SFTPD: variants seen among roughly 807,000 people sequenced by gnomAD.
The protein encoded by SFTPD is surfactant protein D.
Under a neutral mutation model 34.6 loss-of-function variants are expected in SFTPD, and 18 were observed. That is an observed-to-expected ratio of 0.52 (90% CI 0.36 to 0.77). The LOEUF (loss-of-function observed/expected upper bound fraction) is 0.77, where lower values mean the gene tolerates loss of function less well. SFTPD is among the 30% of genes least tolerant of loss of function. The pLI is 0.00. For missense variants in SFTPD, 433 were observed against 468.9 expected, an observed-to-expected ratio of 0.92 and a Z score of 0.71; for synonymous variants, 155 against 180.9, an observed-to-expected ratio of 0.86 and a Z score of 1.15.
At chr10:79,946,389 A>G in intron 2 of SFTPD, 72 bp downstream of exon 2, 1 of 1,145,004 alleles carries the variant, frequency 8.7e-7, no homozygotes, top group Non-Finnish European at 1.3e-6. Flanking sequence ...CAAAGTACCC[A>G]GAGTTGCTGG....
At chr10:79,978,293 G>A (rs1842873266) in intron 1 of SFTPD, among the ~76,000 whole-genome samples, 1 of 152,156 alleles carries the variant, frequency 6.6e-6, no homozygotes, top group Admixed American at 6.5e-5. Context: ...CTCAATAGAT[G>A]CAGAAAAAGT....
chr10:79,942,282 A>C, intron 4 of SFTPD, 106 bp downstream of exon 4: 1 of 815,938 alleles, frequency 1.2e-6, no homozygotes, highest in Non-Finnish European at 2.1e-6. Context: ...TTGCAGCATC[A>C]AGGGTCTGGG....
At chr10:79,954,597 G>A (rs779578795) in intron 1 of SFTPD, among the ~76,000 whole-genome samples, 3 of 152,198 alleles carry the variant, frequency 2.0e-5, no homozygotes, top group Non-Finnish European at 2.9e-5. Context: ...CTTGGAGTTT[G>A]TGGATGGAGA....
chr10:79,956,998 T>TCTGCTGTTCTACAGCCA (rs765348049), intron 1 of SFTPD, among the ~76,000 whole-genome samples: 2 of 136,868 alleles, frequency 1.5e-5, no homozygotes, highest in Non-Finnish European at 1.6e-5. Context: ...TTCACCAAGA[T>TCTGCTGTTCTACAGCCA]CCGCTGTTCT....
At chr10:79,941,364 C>T (rs766325239) in intron 6 of SFTPD, 34 bp downstream of exon 6, 21 of 1,581,626 alleles carry the variant, frequency 1.3e-5, no homozygotes, top group East Asian at 4.5e-5. Flanking sequence ...CATGCCCCAG[C>T]GGGGCTTCCC....
chr10:79,977,481 T>C (rs967910934), intron 1 of SFTPD, among the ~76,000 whole-genome samples: 1 of 152,094 alleles, frequency 6.6e-6, no homozygotes, highest in African/African-American at 2.4e-5. Flanking sequence ...AACACACACA[T>C]ACACACACAC....
chr10:79,977,735 G>A (rs1006083254), intron 1 of SFTPD, among the ~76,000 whole-genome samples: 1 of 152,184 alleles, frequency 6.6e-6, no homozygotes, highest in Non-Finnish European at 1.5e-5. Context: ...GCCTACTAAG[G>A]AGTTGTTACA....
At chr10:79,954,111 T>C (rs547231829) in intron 1 of SFTPD, among the ~76,000 whole-genome samples, 3 of 152,350 alleles carry the variant, frequency 2.0e-5, no homozygotes, top group Non-Finnish European at 2.9e-5. Flanking sequence ...CTGTATCTTG[T>C]TGAGCTTCTT....
chr10:79,938,363 G>A, intron 7 of SFTPD, 135 bp from the exon 8 acceptor site: 1 of 756,146 alleles, frequency 1.3e-6, no homozygotes, highest in Non-Finnish European at 2.1e-6. Context: ...CAGAGAGAAT[G>A]CAAGAGAGAT....
At position 79,946,502 on chromosome 10, in the gene SFTPD, C is replaced by A. The variant is rs142564545; in HGVS notation, c.158G>T (p.Arg53Leu). The A allele has an allele frequency of 1.2e-6, 2 of 1,614,154 alleles. No individual in the cohort carries two copies. Among genetic ancestry groups the A allele is most frequent in the Non-Finnish European group, 1.7e-6 (2 of 1,180,004 alleles). ...GCCCCGAGGGCCCTCTCTCCCATCCCGTCCATCGCGACCAGGCAGGCCACT... is the reference window on the plus strand; with the variant it reads ...GCCCCGAGGGCCCTCTCTCCCATCCAGTCCATCGCGACCAGGCAGGCCACT... ...VESGLPGRDG[R>L]DGREGPRGEK... is the part of the protein sequence containing the mutation. The change falls in exon 2 of 8, where the codon CGG (arginine) becomes CTG (leucine). Residue 53 changes from arginine (R) to leucine (L), a missense_variant. Arg to Leu is a moderately radical substitution (Grantham distance 102). Coordinates refer to ENST00000372292, the MANE Select transcript of SFTPD (RefSeq NM_003019.5).
At chr10:79,941,129 A>G (rs1245640169) in intron 6 of SFTPD, among the ~76,000 whole-genome samples, 2 of 152,200 alleles carry the variant, frequency 1.3e-5, no homozygotes, top group African/African-American at 4.8e-5. Flanking sequence ...TAATGCCCAA[A>G]ACTGTCCTAT....
intron 2 of SFTPD, among the ~76,000 whole-genome samples, chr10:79,945,670 C>A (rs560810304): frequency 2.0e-4 from 30 of 152,240 alleles, no homozygotes; most frequent in African/African-American, 6.7e-4. Context: ...CAACTTTATC[C>A]CAAAGACTCA....
intron 1 of SFTPD, chr10:79,971,823 TTTTGGG>T (rs1342259445): frequency 6.6e-6 from 1 of 152,196 alleles, no homozygotes; most frequent in Admixed American, 6.5e-5. Context: ...GAATTGACCG[TTTTGGG>T]TTGAATCTAT....
intron 1 of SFTPD, among the ~76,000 whole-genome samples, chr10:79,962,418 T>C (rs564267905): frequency 6.6e-6 from 1 of 152,186 alleles, no homozygotes; most frequent in Admixed American, 6.5e-5. Context: ...TATGTAAATA[T>C]ACACACAAGT....
intron 1 of SFTPD, among the ~76,000 whole-genome samples, chr10:79,961,972 G>C (rs1444413774): frequency 4.7e-5 from 7 of 149,906 alleles, no homozygotes; most frequent in African/African-American, 1.7e-4. Flanking sequence ...CCATAAAAAA[G>C]GATGAGTTCA....
intron 1 of SFTPD, chr10:79,970,029 A>T (rs549100900): frequency 6.6e-6 from 1 of 152,062 alleles, no homozygotes; most frequent in Admixed American, 6.6e-5. Flanking sequence ...TTACTCTTTA[A>T]CTCATTTTCA....
At chr10:79,942,151 C>A in intron 4 of SFTPD, 81 bp from the exon 5 acceptor site, 1 of 1,040,610 alleles carries the variant, frequency 9.6e-7, no homozygotes, top group Non-Finnish European at 1.5e-6. Context: ...GAGCTTTTTG[C>A]CCGCAACTTT....
intron 2 of SFTPD, among the ~76,000 whole-genome samples, chr10:79,945,153 G>A: frequency 6.6e-6 from 1 of 152,174 alleles, no homozygotes. Context: ...AGGCACATAT[G>A]TGGGGAAGGG....
chr10:79,941,155 T>C (rs750547295), intron 6 of SFTPD, among the ~76,000 whole-genome samples: 1 of 152,170 alleles, frequency 6.6e-6, no homozygotes, highest in Non-Finnish European at 1.5e-5. Context: ...GGGAAGGCAG[T>C]TGTAGTTTTC....
Sources: gnomAD v4.1 joint callset for allele counts (sites outside exome capture counted in the v4.1 genomes callset) on GRCh38, gnomAD v4.1.1 for gene constraint, MANE v1.5 for transcripts, NCBI Gene and HGNC (gene_info 2026-07-23, HGNC 2026-07-21) for gene names.